Variants in KYNU observed in about 807,000 individuals in gnomAD.
KYNU encodes L-kynurenine hydrolase.
A neutral mutation model predicts 59.2 loss-of-function variants in KYNU; 54 were observed. The observed-to-expected ratio is 0.91, with a 90% confidence interval of 0.73 to 1.14. The LOEUF (loss-of-function observed/expected upper bound fraction) is 1.14. Ranked by LOEUF, KYNU falls within the 50% of genes most tolerant of loss-of-function variation. The pLI is 0.00. For synonymous variants in KYNU, 177 were observed against 192.0 expected, an observed-to-expected ratio of 0.92 and a Z score of 0.65; for missense variants, 567 against 554.4, an observed-to-expected ratio of 1.02 and a Z score of -0.23.
intron 8 of KYNU, among the ~76,000 whole-genome samples, chr2:142,968,744 C>T (rs1041822229): frequency 1.3e-5 from 2 of 151,878 alleles, no homozygotes; most frequent in Non-Finnish European, 2.9e-5. Flanking sequence ...TGAAACATCG[C>T]CTATATAAAA....
At chr2:142,989,776 G>A (rs1685340109) in intron 10 of KYNU, 4 of 152,208 alleles carry the variant, frequency 2.6e-5, no homozygotes, top group Middle Eastern at 6.8e-3. Context: ...GTCTAAGAAA[G>A]GAATTATAAG....
chr2:142,950,958 A>C (rs759867238), intron 4 of KYNU, among the ~76,000 whole-genome samples: 24 of 152,102 alleles, frequency 1.6e-4, no homozygotes, highest in Admixed American at 6.6e-4. Context: ...GGGAACAGGG[A>C]GGCTGGAGAA....
intron 4 of KYNU, among the ~76,000 whole-genome samples, chr2:142,933,793 G>A (rs1317375490): frequency 6.6e-6 from 1 of 152,084 alleles, no homozygotes; most frequent in Non-Finnish European, 1.5e-5. Context: ...CAAGAGCAAG[G>A]GCCTGTCCAA....
rs115474723 is a variant in KYNU at position 142,932,010 on chromosome 2, G to A, written c.373+4269G>A. 7.7e-3 allele frequency among the ~76,000 whole-genome samples: 1,165 copies of A among 152,254 alleles called. 7 individuals carry two copies. Among genetic ancestry groups the A allele is most frequent in the African/African-American group, 0.027 (1,114 of 41,536 alleles). On this transcript the variant is annotated intron_variant, in intron 4 of 13. Transcript: ENST00000264170. ...GACAAAGACTAGAAGATAGCAGAGC[G>A]GCATGTGAGTGAGGTTTACTTGCCA... is the stretch of plus-strand genomic sequence containing the variant.
At chr2:143,032,289 C>CAAAAAAAAA (rs1038644031) in intron 11 of KYNU, among the ~76,000 whole-genome samples, 3 of 75,034 alleles carry the variant, frequency 4.0e-5, no homozygotes, top group Non-Finnish European at 6.9e-5. Context: ...AAAACAAAAA[C>CAAAAAAAAA]AAAAAAAAAA....
intron 4 of KYNU, among the ~76,000 whole-genome samples, chr2:142,945,189 A>G (rs750301542): frequency 1.3e-5 from 2 of 152,232 alleles, no homozygotes; most frequent in Admixed American, 1.3e-4. Flanking sequence ...CTTTCATGGA[A>G]GAAATCTCTG....
chr2:142,974,645 G>A (rs1172111293), intron 8 of KYNU, among the ~76,000 whole-genome samples: 4 of 152,176 alleles, frequency 2.6e-5, no homozygotes, highest in Non-Finnish European at 5.9e-5. Flanking sequence ...TCACATTGCT[G>A]GAAGCCTTCT....
In KYNU at chr2:143,048,229, C is replaced by T. The variant is rs1024506917; in HGVS notation, c.*6057C>T. ...TGTGTGTGTGGAGGTGTATTGAGTC[C>T]GTTTTTTCTTTCTATTTGTGTGGAA... On this transcript the variant is annotated 3_prime_UTR_variant, in exon 14 of 14. Coordinates refer to ENST00000264170, the MANE Select transcript of KYNU (RefSeq NM_003937.3). 2 of 151,786 alleles carry T rather than the reference C, an allele frequency of 1.3e-5. No individual in the cohort carries two copies. Among genetic ancestry groups the T allele is most frequent in the African/African-American group, 4.8e-5 (2 of 41,296 alleles). The allele number at this position is 151,786 out of a possible 1,614,324, so 9.4% of individuals were successfully genotyped here.
intron 2 of KYNU, among the ~76,000 whole-genome samples, chr2:142,890,684 C>T (rs180783185): frequency 4.2e-4 from 64 of 152,274 alleles, no homozygotes; most frequent in African/African-American, 1.5e-3. Flanking sequence ...TGCCATGTTG[C>T]TCAGGCTGGT....
chr2:142,988,507 T>G (rs1685291716), intron 10 of KYNU, among the ~76,000 whole-genome samples: 1 of 151,946 alleles, frequency 6.6e-6, no homozygotes, highest in African/African-American at 2.4e-5. Context: ...ACCATCTTAC[T>G]GATTCCGCCA....
intron 10 of KYNU, among the ~76,000 whole-genome samples, chr2:143,009,958 T>C (rs79103345): frequency 1.7e-5 from 2 of 116,696 alleles, no homozygotes; most frequent in African/African-American, 3.7e-5. Flanking sequence ...AATATCATAC[T>C]GAATGGGCAA....
chr2:142,913,489 G>A (rs1272641422), intron 2 of KYNU, among the ~76,000 whole-genome samples: 1 of 152,086 alleles, frequency 6.6e-6, no homozygotes, highest in Non-Finnish European at 1.5e-5. Flanking sequence ...TAATTTCTAT[G>A]TAATAGTGTA....
intron 10 of KYNU, among the ~76,000 whole-genome samples, chr2:143,023,131 T>C (rs1386971171): frequency 6.6e-6 from 1 of 151,960 alleles, no homozygotes. Flanking sequence ...CTCTGCACTG[T>C]TTTGGCAATT....
At chr2:142,880,077 A>G (rs1423936701) in intron 1 of KYNU, among the ~76,000 whole-genome samples, 1 of 152,218 alleles carries the variant, frequency 6.6e-6, no homozygotes, top group African/African-American at 2.4e-5. Context: ...ATTATGTCAA[A>G]TAATTCATCA....
At chr2:142,917,482 A>C (rs1281718547) in intron 2 of KYNU, among the ~76,000 whole-genome samples, 1 of 152,170 alleles carries the variant, frequency 6.6e-6, no homozygotes, top group Non-Finnish European at 1.5e-5. Flanking sequence ...AAAAAAATTA[A>C]ATAGAGATGG....
chr2:142,995,752 T>C (rs1658082157), intron 10 of KYNU, among the ~76,000 whole-genome samples: 1 of 152,110 alleles, frequency 6.6e-6, no homozygotes. Flanking sequence ...TACCTTTGAA[T>C]CTGCTTTTGT....
chr2:142,889,499 C>T (rs1681632098), intron 2 of KYNU, among the ~76,000 whole-genome samples: 1 of 152,148 alleles, frequency 6.6e-6, no homozygotes, highest in Admixed American at 6.6e-5. Context: ...TTTGACTCAC[C>T]TGGCTGCAGG....
At position 142,936,375 on chromosome 2, in the gene KYNU, G is replaced by A. The variant is rs556542091; in HGVS notation, c.373+8634G>A. On this transcript the variant is annotated intron_variant, in intron 4 of 13. Transcript: ENST00000264170. ...TGTAAAAAAAGACGGGGCACTTAGG[G>A]TGGATATCTTGTCTGAGGCCTAAGG... Among the ~76,000 whole-genome samples the A allele has an allele frequency of 2.0e-5, 3 of 152,310 alleles. No homozygotes were observed. In the East Asian group the frequency reaches 5.8e-4, roughly 29 times the overall value.
At chr2:142,944,519 A>C (rs12998182) in intron 4 of KYNU, among the ~76,000 whole-genome samples, 28,073 of 152,152 alleles carry the variant, frequency 0.18, 3,477 homozygotes, top group African/African-American at 0.34. Flanking sequence ...GATAAAGTAA[A>C]GATCCTTTCA....
Sources: gnomAD v4.1 joint callset for allele counts (sites outside exome capture counted in the v4.1 genomes callset) on GRCh38, gnomAD v4.1.1 for gene constraint, MANE v1.5 for transcripts, NCBI Gene and HGNC (gene_info 2026-07-23, HGNC 2026-07-21) for gene names.